WDR7: variants seen among roughly 807,000 people sequenced by gnomAD.
WDR7 encodes the protein WD repeat domain 7.
WDR7 carries 46 observed loss-of-function variants against 169.4 expected under a neutral mutation model. The ratio of observed to expected loss-of-function variants is 0.27; its 90% CI spans 0.21 to 0.35. The LOEUF (loss-of-function observed/expected upper bound fraction) is 0.35. WDR7 is among the 10% of genes least tolerant of loss of function. The pLI is 1.00. For missense variants in WDR7, 1,534 were observed against 1,859.3 expected, an observed-to-expected ratio of 0.83 and a Z score of 3.22; for synonymous variants, 612 against 666.8, an observed-to-expected ratio of 0.92 and a Z score of 1.27.
intron 20 of WDR7, among the ~76,000 whole-genome samples, chr18:56,877,730 C>T (rs2145470356): frequency 6.6e-6 from 1 of 151,996 alleles, no homozygotes; most frequent in Middle Eastern, 3.4e-3. Flanking sequence ...TAGTTCAAGG[C>T]CAGAAAATAT....
intron 14 of WDR7, among the ~76,000 whole-genome samples, chr18:56,755,990 A>G (rs2043879607): frequency 6.6e-6 from 1 of 152,220 alleles, no homozygotes; most frequent in Non-Finnish European, 1.5e-5. Flanking sequence ...TACTACTTTC[A>G]GTAAATTTTG....
the WDR7 span, chr18:57,036,031 C>A: frequency 6.6e-6 from 1 of 152,260 alleles, no homozygotes. Context: ...TGGAAAGTAG[C>A]AGAGATTCTT....
chr18:56,695,537 C>CTT (rs774362260), intron 11 of WDR7, among the ~76,000 whole-genome samples: 5 of 139,472 alleles, frequency 3.6e-5, no homozygotes, highest in Non-Finnish European at 3.2e-5. Flanking sequence ...CAATAGAAAT[C>CTT]TTTTTTTTTT....
chr18:56,791,849 T>C (rs1430351042), intron 19 of WDR7, among the ~76,000 whole-genome samples: 1 of 152,146 alleles, frequency 6.6e-6, no homozygotes, highest in African/African-American at 2.4e-5. Flanking sequence ...TCTAGCATGA[T>C]GGTTCTCAAA....
At position 56,924,091 on chromosome 18, in the gene WDR7, C is replaced by A; in HGVS notation, c.3696C>A (p.Ala1232=). ...GGCTTCTCGAACTTTGTGCCGATGC[C>A]GAGAAACAACTTGCCAAGTATGTGT... The part of the protein sequence containing the change: ...LMGLLELCAD[A]EKQLANITMG... The change falls in exon 22 of 28, where the codon GCC becomes GCA. Residue 1232 remains alanine (A), a synonymous_variant. Transcript: ENST00000254442. 6.2e-7 allele frequency: 1 copy of A among 1,611,830 alleles called. No individual in the cohort carries two copies. The highest frequency in any genetic ancestry group is 8.5e-7 in the Non-Finnish European group (1 of 1,179,388).
chr18:56,924,920 C>T (rs1374782125), intron 22 of WDR7, among the ~76,000 whole-genome samples: 2 of 152,216 alleles, frequency 1.3e-5, no homozygotes, highest in African/African-American at 4.8e-5. Flanking sequence ...GCCCCATGCC[C>T]ATTAAGCAGT....
chr18:56,832,042 G>A (rs1459587178), intron 20 of WDR7, among the ~76,000 whole-genome samples: 1 of 152,158 alleles, frequency 6.6e-6, no homozygotes, highest in Non-Finnish European at 1.5e-5. Context: ...GAGTGATCTT[G>A]CTCAGCAGTT....
chr18:56,762,494 G>A (rs982557350), intron 16 of WDR7, among the ~76,000 whole-genome samples: 1 of 151,630 alleles, frequency 6.6e-6, no homozygotes, highest in Admixed American at 6.6e-5. Context: ...TGTCAGTTTT[G>A]TTAAGTAGTA....
intron 13 of WDR7, among the ~76,000 whole-genome samples, chr18:56,718,931 A>G (rs1397380759): frequency 6.6e-6 from 1 of 152,220 alleles, no homozygotes; most frequent in African/African-American, 2.4e-5. Flanking sequence ...ATATTTGTGC[A>G]TGCACTATTG....
At chr18:56,842,823 C>A (rs1423732022) in intron 20 of WDR7, among the ~76,000 whole-genome samples, 3 of 152,148 alleles carry the variant, frequency 2.0e-5, no homozygotes, top group African/African-American at 7.2e-5. Context: ...TGGTTATATA[C>A]TTTTAGCTTT....
intron 20 of WDR7, among the ~76,000 whole-genome samples, chr18:56,854,374 G>T (rs1055985375): frequency 1.2e-4 from 19 of 152,216 alleles, no homozygotes; most frequent in African/African-American, 4.3e-4. Context: ...TATTACAAAG[G>T]ATACACATGA....
intron 21 of WDR7, among the ~76,000 whole-genome samples, chr18:56,881,904 A>G (rs2046113526): frequency 6.6e-6 from 1 of 152,218 alleles, no homozygotes. Flanking sequence ...ACAATTTAAA[A>G]AACACTTTCT....
intron 1 of WDR7, among the ~76,000 whole-genome samples, chr18:56,666,346 G>C (rs2025024482): frequency 6.6e-6 from 1 of 151,474 alleles, no homozygotes; most frequent in Admixed American, 6.6e-5. Context: ...TGGGATTACA[G>C]GCATGCGCCA....
intron 26 of WDR7, among the ~76,000 whole-genome samples, chr18:56,982,345 C>A (rs921014104): frequency 6.6e-6 from 1 of 152,164 alleles, no homozygotes; most frequent in Non-Finnish European, 1.5e-5. Flanking sequence ...GAGCATTATT[C>A]GTTTCACAAC....
intron 23 of WDR7, among the ~76,000 whole-genome samples, chr18:56,937,411 A>AAAAC (rs1284562750): frequency 3.3e-5 from 4 of 122,478 alleles, no homozygotes; most frequent in Admixed American, 2.9e-4. Flanking sequence ...TAAATGAAAC[A>AAAAC]ACACACACAA....
chr18:56,874,735 T>A (rs993272711), intron 20 of WDR7, among the ~76,000 whole-genome samples: 4 of 152,028 alleles, frequency 2.6e-5, no homozygotes, highest in Admixed American at 2.6e-4. Context: ...GTACACTACC[T>A]AAAAGTGAAT....
chr18:56,998,263 G>A (rs1250293781), intron 26 of WDR7, among the ~76,000 whole-genome samples: 1 of 152,128 alleles, frequency 6.6e-6, no homozygotes, highest in Non-Finnish European at 1.5e-5. Flanking sequence ...GGGTCTCTTG[G>A]GAGCTGTGCT....
Position 56,939,158 on chromosome 18 carries a change from T to C in WDR7, c.3982-153T>C, listed in dbSNP as rs1209305072. On this transcript the variant is annotated intron_variant, in intron 24 of 27. Transcript: ENST00000254442. ...ATAAGAGAAAGGATAGACTGTAGTA[T>C]ACACATGGCTTAAATTGCTTTTGTT... Among the ~76,000 whole-genome samples, 15 of 152,202 alleles carry C rather than the reference T, an allele frequency of 9.9e-5. 1 individual carries two copies. The highest frequency in any genetic ancestry group is 3.1e-4 in the African/African-American group (13 of 41,458).
intron 19 of WDR7, among the ~76,000 whole-genome samples, chr18:56,785,113 A>G (rs1365078264): frequency 6.6e-6 from 1 of 152,186 alleles, no homozygotes; most frequent in South Asian, 2.1e-4. Flanking sequence ...TTCTGAACGT[A>G]TGAAAGGAGA....
Sources: allele counts gnomAD v4.1 joint callset (sites outside exome capture counted in the v4.1 genomes callset), GRCh38; gene constraint gnomAD v4.1.1; transcripts MANE v1.5; gene names NCBI Gene and HGNC (gene_info 2026-07-23, HGNC 2026-07-21).